Variants in PLK2 observed in about 807,000 individuals in gnomAD.
PLK2 encodes polo like kinase 2.
A neutral mutation model predicts 78.1 loss-of-function variants in PLK2; 25 were observed. That is an observed-to-expected ratio of 0.32 (90% CI 0.23 to 0.45). The LOEUF is 0.45. PLK2 is among the 20% of genes least tolerant of loss of function. The pLI is 1.00. For synonymous variants in PLK2, 332 were observed against 298.2 expected, an observed-to-expected ratio of 1.11 and a Z score of -1.17; for missense variants, 566 against 840.2, an observed-to-expected ratio of 0.67 and a Z score of 4.04.
At position 58,458,151 on chromosome 5, in the gene PLK2, C is replaced by A. The variant is rs1255020888; in HGVS notation, c.646G>T (p.Ala216Ser). The change falls in exon 5 of 14, where the codon GCC becomes TCC. Residue 216 changes from alanine (A) to serine (S), a missense_variant. By Grantham distance (99) the Ala-to-Ser change is moderately conservative. Transcript: ENST00000274289. ...LKLGNFFINE[A>S]MELKVGDFGL... Reference sequence around the variant, plus strand: ...AAGTCCCCAACTTTTAGTTCCATGGCTTCATTAATAAAAAAGTTCCCTAGA... The same window carrying A: ...AAGTCCCCAACTTTTAGTTCCATGGATTCATTAATAAAAAAGTTCCCTAGA... The A allele has an allele frequency of 1.2e-6, 2 of 1,612,084 alleles. No homozygotes were observed. Among genetic ancestry groups the A allele is most frequent in the East Asian group, 2.2e-5 (1 of 44,880 alleles).
intron 5 of PLK2, 83 bp downstream of exon 5, chr5:58,458,001 C>T: frequency 1.2e-6 from 1 of 831,154 alleles, no homozygotes; most frequent in South Asian, 1.4e-5. Flanking sequence ...TATTACCGGA[C>T]CTCTGAAACA....
rs765295814 is a variant in PLK2, at chr5:58,457,283, T to A, written c.906A>T (p.Ser302=). ...TTAAGTGCTTGGCAGGAGCCAGCAA[T>A]GAGGACGGCATTGTATACCTTGCTT... is the stretch of plus-strand genomic sequence containing the variant. The part of the protein sequence containing the change: ...IREARYTMPS[S]LLAPAKHLIA... The change falls in exon 7 of 14, where the codon TCA becomes TCT. Residue 302 remains serine (S), a synonymous_variant. Coordinates refer to ENST00000274289, the MANE Select transcript of PLK2 (RefSeq NM_006622.4). 6.2e-7 allele frequency: 1 copy of A among 1,613,754 alleles called. No individual in the cohort carries two copies. Among genetic ancestry groups the A allele is most frequent in the South Asian group, 1.1e-5 (1 of 91,086 alleles).
chr5:58,457,722 A>G, intron 5 of PLK2, 139 bp from the exon 6 acceptor site: 3 of 621,340 alleles, frequency 4.8e-6, no homozygotes, highest in Non-Finnish European at 8.5e-6. Flanking sequence ...GAAACATTTG[A>G]CTTTTGGCAT....
In PLK2 at chr5:58,458,526, T is replaced by A. The variant is rs998648214; in HGVS notation, c.498A>T (p.Ser166=). 1 of 1,609,416 alleles carries A rather than the reference T, an allele frequency of 6.2e-7. No individual in the cohort carries two copies. Among genetic ancestry groups the A allele is most frequent in the East Asian group, 2.2e-5 (1 of 44,852 alleles). The change falls in exon 4 of 14, where the codon TCA becomes TCT. Residue 166 remains serine (S), a splice_region_variant and synonymous_variant. Transcript: ENST00000274289. ...TTCTTGCTTTCAAAATATGAGCCAT[T>A]GACTAAGAAGAGGAGAAGGAAAAAA... The part of the protein sequence containing the change: ...YILLEYCSRR[S]MAHILKARKV...
rs1223021619 is a variant in PLK2 at position 58,454,511 on chromosome 5, T to A, written c.*72A>T. The A allele has an allele frequency of 1.9e-6, 2 of 1,043,572 alleles. No individual in the cohort carries two copies. Among genetic ancestry groups the A allele is most frequent in the Non-Finnish European group, 2.9e-6 (2 of 695,010 alleles). The allele number at this position is 1,043,572 out of a possible 1,614,324, so 64.6% of individuals were successfully genotyped here. A position where few individuals can be genotyped will look rare whatever the true frequency, so the allele number is the denominator to read the frequency against. On this transcript the variant is annotated 3_prime_UTR_variant, in exon 14 of 14. Transcript: ENST00000274289. ...TCCATCTTCTTCAACATACTCTAGA[T>A]CATTCTTTTGGCTTCCCTGTAGATC...
chr5:58,455,249 CT>C, intron 12 of PLK2, 35 bp downstream of exon 12: 1 of 1,610,658 alleles, frequency 6.2e-7, no homozygotes, highest in Non-Finnish European at 8.5e-7. Flanking sequence ...GTGGCCTACA[CT>C]TCAAATGTCA....
rs1743557366 is a variant in PLK2, at chr5:58,454,991, G to A, written c.1786C>T (p.Arg596Ter). 6.2e-7 allele frequency: 1 copy of A among 1,610,570 alleles called. No homozygotes were observed. The highest frequency in any genetic ancestry group is 8.5e-7 in the Non-Finnish European group (1 of 1,177,008). ...TGAAGGAGGTAGAGCCGAGGTCTTCGAATATCAGTAACACTAGGCAGATCT... is the reference window on the plus strand; with the variant it reads ...TGAAGGAGGTAGAGCCGAGGTCTTCAAATATCAGTAACACTAGGCAGATCT... Reference protein sequence around the residue: ...GGDLPSVTDIRRPRLYLLQWL... With the variant: ...GGDLPSVTDI The change falls in exon 13 of 14, where the codon CGA becomes TGA. Residue 596 changes from arginine to a stop codon, truncating the protein, a stop_gained. Transcript: ENST00000274289. LOFTEE classifies it high-confidence loss of function.
At position 58,459,055 on chromosome 5, in the gene PLK2, G is replaced by A; in HGVS notation, c.308C>T (p.Thr103Ile). The A allele has an allele frequency of 6.2e-7, 1 of 1,612,306 alleles. No homozygotes were observed. The highest frequency in any genetic ancestry group is 1.1e-5 in the South Asian group (1 of 91,032). ...FAKCYEMTDLTNNKVYAAKII... is the reference protein window; with the variant it reads ...FAKCYEMTDLINNKVYAAKII... The stretch of plus-strand genomic sequence containing the variant: ...TTTTGCGGCGTAGACTTTGTTATTT[G>A]TCAAATCTGTCATCTCGTAACATTT... Residue 103 changes from threonine (T) to isoleucine (I), a missense_variant, in exon 2 of 14, where the codon ACA (threonine) becomes ATA (isoleucine). Around this residue, in one of 5 missense-constraint regions of PLK2, gnomAD observed 179 missense variants for 342.3 expected, o/e 0.52. Transcript: ENST00000274289.
At position 58,456,549 on chromosome 5, in the gene PLK2, C is replaced by T; in HGVS notation, c.1197G>A (p.Arg399=). The T allele has an allele frequency of 3.1e-6, 5 of 1,611,394 alleles. No individual in the cohort carries two copies. Among genetic ancestry groups the T allele is most frequent in the Non-Finnish European group, 4.2e-6 (5 of 1,177,670 alleles). Residue 399 remains arginine (R), a synonymous_variant, in exon 9 of 14, where the codon AGG becomes AGA. Transcript: ENST00000274289. ...TTATTGAAGTCTTTTTCAAATCATG[C>T]CTAAGCTTGTAGATGTCTTCATCTT... is the stretch of plus-strand genomic sequence containing the variant. ...SKEDEDIYKL[R]HDLKKTSITQ...
chr5:58,455,874 A>G, intron 10 of PLK2, 95 bp from the exon 11 acceptor site: 15 of 1,508,306 alleles, frequency 9.9e-6, no homozygotes, highest in South Asian at 1.2e-5. Context: ...CATTAATTCG[A>G]AAGACATAGA....
chr5:58,456,110 C>T lies in PLK2; in HGVS notation c.1300G>A (p.Ala434Thr), dbSNP rs552180691. 2.3e-5 allele frequency: 37 copies of T among 1,613,878 alleles called. No homozygotes were observed. Among genetic ancestry groups the T allele is most frequent in the South Asian group, 1.8e-4 (16 of 91,060 alleles). The change falls in exon 10 of 14, where the codon GCA (alanine) becomes ACA (threonine). Residue 434 changes from alanine (A) to threonine (T), a missense_variant. By Grantham distance (58) the Ala-to-Thr change is moderately conservative (BLOSUM62 0). Coordinates refer to ENST00000274289, the MANE Select transcript of PLK2 (RefSeq NM_006622.4). ...TTTVARSGTP[A>T]VENKQQIGDA... ...CCAATCTGCTGCTTGTTTTCTACTG[C>T]GGGTGTTCCAGACCTGGCAACTGTG...
chr5:58,458,883 C>A (rs764812338), intron 2 of PLK2, 42 bp from the exon 3 acceptor site: 1 of 1,375,548 alleles, frequency 7.3e-7, no homozygotes, highest in South Asian at 1.2e-5. Context: ...CTTCCAGTCA[C>A]CTCGGAAAAG....
intron 8 of PLK2, 113 bp downstream of exon 8, chr5:58,456,832 A>G (rs991564018): frequency 2.5e-4 from 175 of 699,212 alleles, no homozygotes; most frequent in Middle Eastern, 4.1e-4. Context: ...TCAACATTTA[A>G]GAATACGCAA....
At chr5:58,458,630 A>T in intron 3 of PLK2, 95 bp downstream of exon 3, 1 of 1,304,610 alleles carries the variant, frequency 7.7e-7, no homozygotes, top group Non-Finnish European at 1.1e-6. Flanking sequence ...TTGCAGTGTA[A>T]GTGCTGCCAC....
At chr5:58,459,231 G>A (rs1366172247) in intron 1 of PLK2, 139 bp from the exon 2 acceptor site, 7 of 621,706 alleles carry the variant, frequency 1.1e-5, no homozygotes, top group Non-Finnish European at 1.4e-5. Flanking sequence ...ACAGAGGGAG[G>A]CATTCGACTT....
Position 58,459,690 on chromosome 5 carries a change from CT to C in PLK2, c.269del (p.Lys90ArgfsTer10). ...KRYCRGKVLGKGGFAKCYEMT... is the reference protein window; with the variant it reads ...KRYCRGKVLGXGGFAKCYEMT... ...CAGCCCGGCGCCCTCCGCTTGTCAC[CT>C]TTCCCAGCACTTTGCCCCGGCAGTA... On this transcript the variant is annotated frameshift_variant and splice_region_variant, in exon 1 of 14. Coordinates refer to ENST00000274289, the MANE Select transcript of PLK2 (RefSeq NM_006622.4). LOFTEE classifies it high-confidence loss of function. The C allele has an allele frequency of 6.4e-7, 1 of 1,571,848 alleles. No homozygotes were observed. The highest frequency in any genetic ancestry group is 8.6e-7 in the Non-Finnish European group (1 of 1,157,470).
chr5:58,456,452 C>T lies in PLK2; in HGVS notation c.1254+40G>A, dbSNP rs758306061. 7.0e-6 allele frequency: 8 copies of T among 1,146,990 alleles called. No individual in the cohort carries two copies. In the South Asian group the frequency reaches 7.8e-5, roughly 11 times the overall value. The allele number at this position is 1,146,990 out of a possible 1,614,324, so 71.1% of individuals were successfully genotyped here. A position where few individuals can be genotyped will look rare whatever the true frequency, so the allele number is the denominator to read the frequency against. ...GCTAATTAATAAAGAGTGGAAATAA[C>T]GTAAAGCGTGAGTATCTACTTTACT... On this transcript the variant is annotated intron_variant, in intron 9 of 13. Coordinates refer to ENST00000274289, the MANE Select transcript of PLK2 (RefSeq NM_006622.4).
chr5:58,455,844 G>T, intron 10 of PLK2, 65 bp from the exon 11 acceptor site: 1 of 1,581,880 alleles, frequency 6.3e-7, no homozygotes, highest in Non-Finnish European at 8.6e-7. Context: ...TCAGGCTTTG[G>T]TAGATGCTAA....
chr5:58,456,698 T>C, intron 8 of PLK2, 109 bp from the exon 9 acceptor site: 2 of 760,718 alleles, frequency 2.6e-6, no homozygotes, highest in Non-Finnish European at 4.3e-6. Flanking sequence ...ATGAGCATCC[T>C]GGGCAAAAAT....
Sources: allele counts gnomAD v4.1 joint callset, GRCh38; gene constraint gnomAD v4.1.1; regional missense constraint gnomAD v4.1.1; transcripts MANE v1.5; gene names NCBI Gene and HGNC (gene_info 2026-07-23, HGNC 2026-07-21).